Variants in ZNF521 observed in about 807,000 individuals in gnomAD.
ZNF521 encodes zinc finger protein 521, also known as LYST-interacting protein 3.
In ZNF521, 14 loss-of-function variants were observed where a neutral mutation model predicts 105.5. That is an observed-to-expected ratio of 0.13 (90% CI 0.09 to 0.21). ZNF521 has a LOEUF of 0.21. Among genes scored for constraint, ZNF521 ranks in the 10% least tolerant of loss-of-function variants. ZNF521 has a pLI of 1.00. For synonymous variants in ZNF521, 635 were observed against 606.0 expected (o/e 1.05, Z -0.70); for missense variants, 1,233 against 1,629.7 (o/e 0.76, Z 4.19).
At chr18:25,349,543 G>A (rs1481961147) in intron 2 of ZNF521, among the ~76,000 whole-genome samples, 1 of 152,182 alleles carries the variant, frequency 6.6e-6, no homozygotes. Flanking sequence ...GAAAGAAAGG[G>A]CTTTGTGTGT....
At chr18:25,094,055 G>T (rs892685309) in intron 5 of ZNF521, among the ~76,000 whole-genome samples, 1 of 152,158 alleles carries the variant, frequency 6.6e-6, no homozygotes, top group Admixed American at 6.6e-5. Context: ...TTAAAATTAT[G>T]TGTGCTTTGC....
At chr18:25,092,758 C>T (rs1473682533) in intron 5 of ZNF521, among the ~76,000 whole-genome samples, 2 of 152,012 alleles carry the variant, frequency 1.3e-5, no homozygotes, top group African/African-American at 4.8e-5. Context: ...ACTTGACTAG[C>T]CCTGAATTTT....
intron 5 of ZNF521, among the ~76,000 whole-genome samples, chr18:25,136,447 G>A (rs191114016): frequency 3.3e-5 from 5 of 152,288 alleles, no homozygotes; most frequent in Admixed American, 3.3e-4. Flanking sequence ...ACTGTTAGGT[G>A]CTGCTCTGAG....
intron 4 of ZNF521, among the ~76,000 whole-genome samples, chr18:25,199,887 T>C (rs2035962958): frequency 6.6e-6 from 1 of 152,100 alleles, no homozygotes; most frequent in South Asian, 2.1e-4. Context: ...ATAAATCTAA[T>C]ATATAAACTC....
chr18:25,219,111 T>G (rs1371401326), intron 4 of ZNF521, among the ~76,000 whole-genome samples: 2 of 152,226 alleles, frequency 1.3e-5, no homozygotes, highest in Non-Finnish European at 2.9e-5. Context: ...TACTTTATTG[T>G]AAGAATACAG....
At chr18:25,149,766 T>C (rs1239507162) in intron 5 of ZNF521, among the ~76,000 whole-genome samples, 1 of 152,140 alleles carries the variant, frequency 6.6e-6, no homozygotes, top group Non-Finnish European at 1.5e-5. Context: ...TCATATCTTG[T>C]AGTAGTTCAT....
chr18:25,075,906 C>T lies in ZNF521; in HGVS notation c.3907-13165G>A, dbSNP rs188022117. 3.9e-5 allele frequency among the ~76,000 whole-genome samples: 6 copies of T among 152,326 alleles called. No individual in the cohort carries two copies. The East Asian group carries it at 1.2e-3, about 29-fold the overall frequency. ...CAGGCTAGATTCCTAAGCTGCAATGCAGTGTGTGTCAGAACACACATCATT... is the reference window on the plus strand; with the variant it reads ...CAGGCTAGATTCCTAAGCTGCAATGTAGTGTGTGTCAGAACACACATCATT... On this transcript the variant is annotated intron_variant, in intron 7 of 7. Transcript: ENST00000361524.
intron 4 of ZNF521, among the ~76,000 whole-genome samples, chr18:25,214,852 G>T (rs1262281219): frequency 2.0e-5 from 3 of 152,108 alleles, no homozygotes; most frequent in Admixed American, 1.3e-4. Context: ...AGATAGAAGA[G>T]AAATTACAAA....
rs182804732 is a variant in ZNF521 at position 25,173,702 on chromosome 18, A to G, written c.3658+21458T>C. On this transcript the variant is annotated intron_variant, in intron 5 of 7. Coordinates refer to ENST00000361524, the MANE Select transcript of ZNF521 (RefSeq NM_015461.3). ...CAAGAGATAAAGCAGAATGGGAAAAATATAAAACGAAGTTAGCCAATAGTA... is the reference window on the plus strand; with the variant it reads ...CAAGAGATAAAGCAGAATGGGAAAAGTATAAAACGAAGTTAGCCAATAGTA... Among the ~76,000 whole-genome samples the G allele has an allele frequency of 2.6e-5, 4 of 152,338 alleles. No individual in the cohort carries two copies. In the East Asian group the frequency reaches 7.7e-4, roughly 29 times the overall value.
At chr18:25,328,303 A>G (rs1913349301) in intron 2 of ZNF521, among the ~76,000 whole-genome samples, 1 of 152,002 alleles carries the variant, frequency 6.6e-6, no homozygotes, top group Non-Finnish European at 1.5e-5. Context: ...TACTGTTATC[A>G]AGGAGAACAT....
intron 5 of ZNF521, among the ~76,000 whole-genome samples, chr18:25,102,508 T>C (rs1309673276): frequency 1.6e-5 from 2 of 128,904 alleles, no homozygotes; most frequent in Non-Finnish European, 3.3e-5. Flanking sequence ...AAATTGAGAC[T>C]ATATATATAT....
chr18:25,180,868 A>C (rs1280496529), intron 5 of ZNF521, among the ~76,000 whole-genome samples: 1 of 152,162 alleles, frequency 6.6e-6, no homozygotes, highest in Non-Finnish European at 1.5e-5. Flanking sequence ...AACAACAGCA[A>C]CAGCAGCAGC....
chr18:25,153,206 T>A (rs997079770), intron 5 of ZNF521, among the ~76,000 whole-genome samples: 1 of 152,216 alleles, frequency 6.6e-6, no homozygotes, highest in Non-Finnish European at 1.5e-5. Flanking sequence ...AAGTTGCATA[T>A]AATTTATACT....
chr18:25,119,073 A>C (rs917106798), intron 5 of ZNF521, among the ~76,000 whole-genome samples: 16 of 152,282 alleles, frequency 1.1e-4, no homozygotes, highest in Admixed American at 8.5e-4. Flanking sequence ...AACAGACATA[A>C]ATGTGTATGC....
At chr18:25,207,419 A>C (rs956413527) in intron 4 of ZNF521, among the ~76,000 whole-genome samples, 11 of 151,710 alleles carry the variant, frequency 7.3e-5, no homozygotes, top group Admixed American at 2.6e-4. Context: ...TCCAGGACCG[A>C]CTCTCCAGCA....
At chr18:25,105,992 A>C in intron 5 of ZNF521, among the ~76,000 whole-genome samples, 1 of 152,134 alleles carries the variant, frequency 6.6e-6, no homozygotes, top group East Asian at 1.9e-4. Flanking sequence ...GGTTTCATTA[A>C]GGCCAAAAAT....
At chr18:25,332,635 T>C (rs756428119) in intron 2 of ZNF521, among the ~76,000 whole-genome samples, 1 of 152,210 alleles carries the variant, frequency 6.6e-6, no homozygotes, top group African/African-American at 2.4e-5. Context: ...TATAAGAGCA[T>C]CATTTGTTTT....
At chr18:25,160,081 C>T (rs576276596) in intron 5 of ZNF521, among the ~76,000 whole-genome samples, 1 of 152,228 alleles carries the variant, frequency 6.6e-6, no homozygotes, top group South Asian at 2.1e-4. Flanking sequence ...ACTCACCTGC[C>T]AGGACACTCT....
intron 5 of ZNF521, among the ~76,000 whole-genome samples, chr18:25,132,481 T>C (rs900390356): frequency 1.3e-5 from 2 of 152,196 alleles, no homozygotes; most frequent in African/African-American, 4.8e-5. Flanking sequence ...AATTTTGTTT[T>C]GTTTTGTTTT....
Sources: gnomAD v4.1 joint callset for allele counts (sites outside exome capture counted in the v4.1 genomes callset) on GRCh38, gnomAD v4.1.1 for gene constraint, MANE v1.5 for transcripts, NCBI Gene and HGNC (gene_info 2026-07-23, HGNC 2026-07-21) for gene names.